The following ANKRD40 variants were observed in gnomAD, a reference collection of about 807,000 sequenced individuals.
ANKRD40 encodes ankyrin repeat domain 40, also known as ankyrin repeat domain-containing protein 40.
ANKRD40 carries 24 observed loss-of-function variants against 35.5 expected under a neutral mutation model. The observed-to-expected ratio is 0.68, with a 90% CI of 0.49 to 0.95. ANKRD40 has a LOEUF of 0.95. ANKRD40 is among the 40% of genes least tolerant of loss of function. The pLI, the probability that ANKRD40 is intolerant of heterozygous loss-of-function variation, is 0.00. For synonymous variants in ANKRD40, 147 were observed against 173.5 expected (o/e 0.85, Z 1.20); for missense variants, 361 against 436.0 (o/e 0.83, Z 1.53).
At chr17:50,697,930 C>T (rs1326423219) in intron 3 of ANKRD40, among the ~76,000 whole-genome samples, 3 of 152,204 alleles carry the variant, frequency 2.0e-5, no homozygotes, top group Non-Finnish European at 4.4e-5. Flanking sequence ...TGGCATTTGA[C>T]TGGATTTGGA....
chr17:50,700,318 C>T, intron 2 of ANKRD40: 3 of 361,910 alleles, frequency 8.3e-6, no homozygotes, highest in Non-Finnish European at 1.5e-5. Context: ...TGGCACATGC[C>T]TGTAATCCTA....
rs1275992801 is a variant in ANKRD40, at chr17:50,695,732, A to C, written c.*265T>G. The C allele has an allele frequency of 2.8e-6, 1 of 351,022 alleles. No homozygotes were observed. Among genetic ancestry groups the C allele is most frequent in the African/African-American group, 2.1e-5 (1 of 48,368 alleles). 21.7% of individuals were successfully genotyped at this position (351,022 alleles called of 1,614,324 possible). On this transcript the variant is annotated 3_prime_UTR_variant, in exon 5 of 5. Coordinates refer to ENST00000285243, the MANE Select transcript of ANKRD40 (RefSeq NM_052855.4). ...GGACATAAAACACACTGGATATAGA[A>C]CCTTCAGCTTCTGCCTCTCCAGACC...
intron 1 of ANKRD40, among the ~76,000 whole-genome samples, chr17:50,706,910 A>C (rs1968346983): frequency 3.9e-5 from 3 of 76,924 alleles, no homozygotes; most frequent in Admixed American, 3.2e-4. Context: ...TCTCAAAAAA[A>C]AAAAAAAAAA....
chr17:50,696,810 C>A (rs1968205691), intron 4 of ANKRD40, 130 bp downstream of exon 4: 9 of 787,456 alleles, frequency 1.1e-5, no homozygotes, highest in South Asian at 2.4e-5. Flanking sequence ...GAAATGATTA[C>A]ATTTGGAAAA....
chr17:50,694,195 A>G lies in ANKRD40; in HGVS notation c.*1802T>C, dbSNP rs1261071413. 6.6e-6 allele frequency: 1 copy of G among 151,998 alleles called. No homozygotes were observed. The highest frequency in any genetic ancestry group is 2.4e-5 in the African/African-American group (1 of 41,406). 9.4% of individuals were successfully genotyped at this position (151,998 alleles called of 1,614,324 possible). ...TAAAGCACTTGAGAGAAAGAGGGTA[A>G]TAAGTAACCTTCACTCTGCTATGCA... On this transcript the variant is annotated 3_prime_UTR_variant, in exon 5 of 5. Coordinates refer to ENST00000285243, the MANE Select transcript of ANKRD40 (RefSeq NM_052855.4).
chr17:50,706,840 G>C (rs1374656787), intron 1 of ANKRD40, among the ~76,000 whole-genome samples: 1 of 129,012 alleles, frequency 7.8e-6, no homozygotes, highest in African/African-American at 2.9e-5. Flanking sequence ...GGAGGTAGAA[G>C]TTGCAGTGAG....
At chr17:50,699,286 A>T in intron 3 of ANKRD40, 113 bp downstream of exon 3, 1 of 1,379,192 alleles carries the variant, frequency 7.3e-7, no homozygotes, top group Non-Finnish European at 9.9e-7. Context: ...TCCTTATGTT[A>T]GTCATGTAAC....
At chr17:50,701,912 T>C (rs371368798) in intron 1 of ANKRD40, among the ~76,000 whole-genome samples, 7 of 152,216 alleles carry the variant, frequency 4.6e-5, no homozygotes, top group East Asian at 1.9e-4. Flanking sequence ...GCAATTCCAT[T>C]GATGTCTCAG....
intron 1 of ANKRD40, among the ~76,000 whole-genome samples, chr17:50,704,050 A>ACAGGAGGCAAG (rs1028860030): frequency 2.0e-5 from 3 of 151,766 alleles, no homozygotes; most frequent in Non-Finnish European, 4.4e-5. Flanking sequence ...GCTATGAAAG[A>ACAGGAGGCAAG]CAGGAGGCAA....
chr17:50,696,726 T>A, intron 4 of ANKRD40: 1 of 389,550 alleles, frequency 2.6e-6, no homozygotes, highest in Non-Finnish European at 4.4e-6. Context: ...TCTTTGTTCC[T>A]TCTCCACTCC....
chr17:50,705,148 A>T (rs1355067027), intron 1 of ANKRD40, among the ~76,000 whole-genome samples: 1 of 150,794 alleles, frequency 6.6e-6, no homozygotes, highest in Non-Finnish European at 1.5e-5. Flanking sequence ...AAAGAACCCT[A>T]TCCTATCTGT....
chr17:50,706,104 A>C (rs1001935172), intron 1 of ANKRD40, among the ~76,000 whole-genome samples: 10 of 151,256 alleles, frequency 6.6e-5, no homozygotes, highest in African/African-American at 2.4e-4. Context: ...ATTCCACTTA[A>C]AAAAACAAAA....
intron 1 of ANKRD40, among the ~76,000 whole-genome samples, chr17:50,706,833 G>A (rs1166244434): frequency 7.1e-6 from 1 of 140,998 alleles, no homozygotes; most frequent in African/African-American, 2.6e-5. Flanking sequence ...GAGCCGGGGA[G>A]GTAGAAGTTG....
Position 50,700,735 on chromosome 17 carries a change from T to A in ANKRD40, c.135-19A>T, listed in dbSNP as rs1489058853. The A allele has an allele frequency of 6.3e-7, 1 of 1,592,562 alleles. No individual in the cohort carries two copies. Among genetic ancestry groups the A allele is most frequent in the Admixed American group, 1.8e-5 (1 of 55,942 alleles). On this transcript the variant is annotated intron_variant, in intron 1 of 4. Coordinates refer to ENST00000285243, the MANE Select transcript of ANKRD40 (RefSeq NM_052855.4). ...ACAAGTCCTGTACCAAAGAAAATAA[T>A]GATTGAAAAAGAGGAGAAGTGATTT...
In ANKRD40 at chr17:50,699,464, T is replaced by A. The variant is rs765373793; in HGVS notation, c.713A>T (p.Tyr238Phe). 6.2e-7 allele frequency: 1 copy of A among 1,614,188 alleles called. No homozygotes were observed. Among genetic ancestry groups the A allele is most frequent in the Non-Finnish European group, 8.5e-7 (1 of 1,180,036 alleles). The change falls in exon 3 of 5, where the codon TAT becomes TTT. Residue 238 changes from tyrosine (Y) to phenylalanine (F), a missense_variant. Physicochemically the swap from Tyr to Phe is conservative, Grantham distance 22. Transcript: ENST00000285243. ...CTGGAATGCTGGCGCTGGTCCTGCA[T>A]ACGTCCCATTTTGAGGCTCCAGAGA... is the stretch of plus-strand genomic sequence containing the variant. ...PMSLEPQNGT[Y>F]AGPAPAFQPF...
Position 50,699,847 on chromosome 17 carries a change from C to T in ANKRD40, c.330G>A (p.Gln110=). ...DDDDDDDNLP[Q]LKKESELPFV... ...AGGGCAGTTCTGACTCCTTCTTCAGCTGGGGGAGGTTGTCATCATCATCAT... is the reference window on the plus strand; with the variant it reads ...AGGGCAGTTCTGACTCCTTCTTCAGTTGGGGGAGGTTGTCATCATCATCAT... Residue 110 remains glutamine, a synonymous_variant, in exon 3 of 5, where the codon CAG becomes CAA. Coordinates refer to ENST00000285243, the MANE Select transcript of ANKRD40 (RefSeq NM_052855.4). The T allele has an allele frequency of 6.6e-7, 1 of 1,522,144 alleles. No individual in the cohort carries two copies. 94.3% of individuals were successfully genotyped at this position (1,522,144 alleles called of 1,614,324 possible).
At chr17:50,700,865 G>A (rs755560966) in intron 1 of ANKRD40, 149 bp from the exon 2 acceptor site, 27 of 606,242 alleles carry the variant, frequency 4.5e-5, no homozygotes, top group East Asian at 8.9e-5. Context: ...TCACAAAGCC[G>A]ATGAGCAAAA....
At chr17:50,696,191 A>G (rs1968198951) in intron 4 of ANKRD40, 48 bp from the exon 5 acceptor site, 1 of 1,588,244 alleles carries the variant, frequency 6.3e-7, no homozygotes, top group Non-Finnish European at 8.6e-7. Context: ...ACTTGTCTCC[A>G]TATGTTTGGT....
chr17:50,703,160 C>T (rs1194896451), intron 1 of ANKRD40, among the ~76,000 whole-genome samples: 1 of 152,100 alleles, frequency 6.6e-6, no homozygotes, highest in African/African-American at 2.4e-5. Context: ...CAAGAGAGTA[C>T]GTTTTTTTGA....
Sources: allele counts gnomAD v4.1 joint callset (sites outside exome capture counted in the v4.1 genomes callset), GRCh38; gene constraint gnomAD v4.1.1; transcripts MANE v1.5; gene names NCBI Gene and HGNC (gene_info 2026-07-23, HGNC 2026-07-21).